Variants in COL4A4 observed in about 807,000 individuals in gnomAD.
COL4A4 encodes the protein collagen alpha-4(IV) chain.
Under a neutral mutation model 192.9 loss-of-function variants are expected in COL4A4, and 105 were observed. That is an observed-to-expected ratio of 0.54 (90% CI 0.46 to 0.64). COL4A4 has a LOEUF of 0.64. Ranked by LOEUF, COL4A4 falls within the 30% of genes least tolerant of loss-of-function variation. The pLI, the probability that COL4A4 is intolerant of heterozygous loss-of-function variation, is 0.00. For missense variants in COL4A4, 1,967 were observed against 2,169.3 expected (o/e 0.91, Z 1.85); for synonymous variants, 762 against 769.9 (o/e 0.99, Z 0.17).
At chr2:227,028,052 G>A (rs757987567) in intron 41 of COL4A4, 43 bp from the exon 42 acceptor site, 1 of 1,304,230 alleles carries the variant, frequency 7.7e-7, no homozygotes, top group Non-Finnish European at 1.1e-6. Flanking sequence ...ACTGGAATGA[G>A]ACAAGATAAA....
chr2:227,015,162 T>C (rs544108124), intron 44 of COL4A4, among the ~76,000 whole-genome samples: 79 of 152,222 alleles, frequency 5.2e-4, no homozygotes, highest in South Asian at 3.9e-3. Flanking sequence ...CAGCCTCCCA[T>C]AGTGCTGGGA....
intron 17 of COL4A4, among the ~76,000 whole-genome samples, chr2:227,099,936 A>T (rs1245958226): frequency 6.6e-6 from 1 of 152,236 alleles, no homozygotes; most frequent in African/African-American, 2.4e-5. Flanking sequence ...ATTTAACTCC[A>T]GTGAAATTAT....
the COL4A4 span, among the ~76,000 whole-genome samples, chr2:226,967,677 T>A: frequency 5.5e-3 from 843 of 152,194 alleles, 10 homozygotes; most frequent in African/African-American, 0.019. Context: ...TGTCTGTAGC[T>A]TGATAAATTT....
chr2:227,095,965 T>G (rs1377479729), intron 19 of COL4A4, among the ~76,000 whole-genome samples: 1 of 152,018 alleles, frequency 6.6e-6, no homozygotes, highest in African/African-American at 2.4e-5. Flanking sequence ...TCTCACAGCT[T>G]TTTTCCTAAG....
At chr2:227,059,337 G>T (rs768674965) in intron 28 of COL4A4, 68 bp downstream of exon 28, 13 of 1,297,930 alleles carry the variant, frequency 1.0e-5, no homozygotes, top group Non-Finnish European at 1.5e-5. Context: ...TAATCTAAAC[G>T]TTCTTCAGTG....
rs2060232813 is a variant in COL4A4 at position 227,096,896 on chromosome 2, T to C, written c.1204+1798A>G. Reference sequence around the variant, plus strand: ...ATCTCATGGTAAATACTGTAGATAATTACCAAATTATCTACAAGATATTCT... The same window carrying C: ...ATCTCATGGTAAATACTGTAGATAACTACCAAATTATCTACAAGATATTCT... On this transcript the variant is annotated intron_variant, in intron 19 of 47. Transcript: ENST00000396625. Among the ~76,000 whole-genome samples, 3 of 152,198 alleles carry C rather than the reference T, an allele frequency of 2.0e-5. No homozygotes were observed. The South Asian group carries it at 6.2e-4, about 32-fold the overall frequency.
intron 4 of COL4A4, among the ~76,000 whole-genome samples, chr2:227,135,826 T>C (rs12467981): frequency 0.31 from 47,207 of 151,828 alleles, 7,564 homozygotes; most frequent in Middle Eastern, 0.45. Context: ...GTATTTTTAG[T>C]AGAGGTGGGG....
chr2:227,119,521 AT>A (rs945907908), intron 6 of COL4A4, among the ~76,000 whole-genome samples: 25 of 148,650 alleles, frequency 1.7e-4, no homozygotes, highest in African/African-American at 5.9e-4. Context: ...GATTTTATAT[AT>A]GTAAAATATA....
At chr2:227,040,514 G>A (rs139283252) in intron 37 of COL4A4, among the ~76,000 whole-genome samples, 21 of 151,850 alleles carry the variant, frequency 1.4e-4, no homozygotes, top group African/African-American at 2.9e-4. Flanking sequence ...GTGATACAAC[G>A]TAAGTGTTAT....
At chr2:226,967,995 A>G in the COL4A4 span, among the ~76,000 whole-genome samples, 1 of 152,192 alleles carries the variant, frequency 6.6e-6, no homozygotes, top group Non-Finnish European at 1.5e-5. Context: ...ATATCTCTTC[A>G]TGAGCATTTT....
chr2:227,032,032 C>T lies in COL4A4; in HGVS notation c.3730G>A (p.Ala1244Thr), dbSNP rs946603420. The T allele has an allele frequency of 7.4e-6, 12 of 1,614,014 alleles. No homozygotes were observed. Among genetic ancestry groups the T allele is most frequent in the Non-Finnish European group, 1.0e-5 (12 of 1,179,990 alleles). The change falls in exon 40 of 48, where the codon GCA (alanine) becomes ACA (threonine). Residue 1244 changes from alanine to threonine, a missense_variant. By Grantham distance (58) the Ala-to-Thr change is moderately conservative. Coordinates refer to ENST00000396625, the MANE Select transcript of COL4A4 (RefSeq NM_000092.5). ...TTAGGAGCTCTTCCTGTGGCACCTG[C>T]AGGACCAGGTGGTCCTGAACTCCCT... ...PPGSSGPPGP[A>T]GATGRAPKDI...
At chr2:227,156,339 C>T (rs140530023) in intron 1 of COL4A4, among the ~76,000 whole-genome samples, 34 of 149,774 alleles carry the variant, frequency 2.3e-4, no homozygotes, top group African/African-American at 8.1e-4. Flanking sequence ...GCAGAGGTTG[C>T]GTGAGTGGAG....
At chr2:227,158,219 C>T (rs2064509272) in intron 1 of COL4A4, among the ~76,000 whole-genome samples, 1 of 152,040 alleles carries the variant, frequency 6.6e-6, no homozygotes, top group African/African-American at 2.4e-5. Flanking sequence ...GGTGCCATGG[C>T]AATCATGGCA....
chr2:227,086,380 C>A lies in COL4A4; in HGVS notation c.1623+2273G>T, dbSNP rs556436354. On this transcript the variant is annotated intron_variant, in intron 22 of 47. Transcript: ENST00000396625. ...ATGCTCTTCTGTCTGTCCTTCCCTT[C>A]CTCCTTTCCCTTCTTTTCTTCCCTC... 2.4e-4 allele frequency among the ~76,000 whole-genome samples: 37 copies of A among 152,122 alleles called. 1 individual carries two copies. Among genetic ancestry groups the A allele is most frequent in the South Asian group, 2.1e-3 (10 of 4,804 alleles).
chr2:227,008,526 T>A (rs1017668989), intron 46 of COL4A4, among the ~76,000 whole-genome samples: 1 of 152,044 alleles, frequency 6.6e-6, no homozygotes, highest in South Asian at 2.1e-4. Flanking sequence ...GGGGGCCAGG[T>A]GCTGGAGGTG....
chr2:227,105,067 A>T (rs2060759466), intron 12 of COL4A4, among the ~76,000 whole-genome samples: 1 of 151,874 alleles, frequency 6.6e-6, no homozygotes, highest in Non-Finnish European at 1.5e-5. Context: ...TACTATAATA[A>T]ATATATAAAC....
At chr2:227,023,726 A>G (rs1966461380) in intron 43 of COL4A4, among the ~76,000 whole-genome samples, 1 of 152,232 alleles carries the variant, frequency 6.6e-6, no homozygotes, top group South Asian at 2.1e-4. Flanking sequence ...AAGAACACTC[A>G]GGCTTCGCCA....
chr2:226,998,820 G>A (rs1218636381), downstream of COL4A4: 1 of 152,132 alleles, frequency 6.6e-6, no homozygotes, highest in East Asian at 1.9e-4. Flanking sequence ...CCTCAACAGT[G>A]GGCTTCAACC....
chr2:227,114,172 T>TA (rs1160268548), intron 8 of COL4A4, among the ~76,000 whole-genome samples: 2 of 152,246 alleles, frequency 1.3e-5, no homozygotes, highest in Non-Finnish European at 2.9e-5. Context: ...AATAAATCAG[T>TA]GGTCCTCCAC....
Sources: allele counts gnomAD v4.1 joint callset (sites outside exome capture counted in the v4.1 genomes callset), GRCh38; gene constraint gnomAD v4.1.1; transcripts MANE v1.5; gene names NCBI Gene and HGNC (gene_info 2026-07-23, HGNC 2026-07-21).